DYNC1I1: variants seen among roughly 807,000 people sequenced by gnomAD.
The protein encoded by DYNC1I1 is dynein cytoplasmic 1 intermediate chain 1, also known as cytoplasmic dynein 1 intermediate chain 1.
In DYNC1I1, 43 loss-of-function variants were observed where a neutral mutation model predicts 86.6. The ratio of observed to expected loss-of-function variants is 0.50; its 90% CI spans 0.39 to 0.64. The LOEUF (loss-of-function observed/expected upper bound fraction) is 0.64. Ranked by LOEUF, DYNC1I1 falls within the 30% of genes least tolerant of loss-of-function variation. The pLI is 0.00. For missense variants in DYNC1I1, 604 were observed against 788.8 expected (o/e 0.77, Z 2.81); for synonymous variants, 262 against 283.7 (o/e 0.92, Z 0.77).
At chr7:95,843,885 A>C (rs1789357167) in intron 5 of DYNC1I1, among the ~76,000 whole-genome samples, 1 of 152,244 alleles carries the variant, frequency 6.6e-6, no homozygotes, top group Non-Finnish European at 1.5e-5. Flanking sequence ...ACAGGATAAA[A>C]AGAGTAAGTT....
chr7:96,006,676 A>T (rs927057949), intron 10 of DYNC1I1, among the ~76,000 whole-genome samples: 1 of 152,190 alleles, frequency 6.6e-6, no homozygotes, highest in Non-Finnish European at 1.5e-5. Flanking sequence ...ACTAAAGAAG[A>T]TCAGGATAAT....
chr7:95,928,512 C>T (rs1791804541), intron 6 of DYNC1I1, among the ~76,000 whole-genome samples: 1 of 152,132 alleles, frequency 6.6e-6, no homozygotes, highest in Non-Finnish European at 1.5e-5. Context: ...AGAGCCTGTT[C>T]TCTGCACGGG....
Position 95,977,498 on chromosome 7 carries a change from T to C in DYNC1I1, c.491-14T>C. ...GGAAAGAAAATATTGTATTTTTCTC[T>C]TTCTTTTTTCTAGAGGATGAGGAAG... is the stretch of plus-strand genomic sequence containing the variant. On this transcript the variant is annotated splice_polypyrimidine_tract_variant and intron_variant, in intron 6 of 16. Coordinates refer to ENST00000447467, the MANE Select transcript of DYNC1I1 (RefSeq NM_001135556.2). 1 of 1,609,964 alleles carries C rather than the reference T, an allele frequency of 6.2e-7. No individual in the cohort carries two copies. Among genetic ancestry groups the C allele is most frequent in the Non-Finnish European group, 8.5e-7 (1 of 1,178,668 alleles).
intron 10 of DYNC1I1, among the ~76,000 whole-genome samples, chr7:96,017,641 T>G (rs1477422692): frequency 6.6e-6 from 1 of 152,204 alleles, no homozygotes; most frequent in African/African-American, 2.4e-5. Flanking sequence ...CAGAAGAATG[T>G]TCCTCAGGTC....
intron 3 of DYNC1I1, among the ~76,000 whole-genome samples, chr7:95,812,900 A>C (rs1421727807): frequency 6.6e-6 from 1 of 152,172 alleles, no homozygotes; most frequent in African/African-American, 2.4e-5. Context: ...TAATGTGAAG[A>C]ATCAGAATTA....
chr7:96,012,170 T>C (rs889101884), intron 10 of DYNC1I1, among the ~76,000 whole-genome samples: 1 of 152,168 alleles, frequency 6.6e-6, no homozygotes, highest in African/African-American at 2.4e-5. Context: ...ATTGATGTGA[T>C]GGTTGATAGC....
chr7:95,820,423 G>A (rs908125579), intron 4 of DYNC1I1, among the ~76,000 whole-genome samples: 1 of 152,168 alleles, frequency 6.6e-6, no homozygotes, highest in African/African-American at 2.4e-5. Context: ...ATTTAGCGAT[G>A]GCATTGACTA....
Position 95,830,352 on chromosome 7 carries a change from T to C in DYNC1I1, c.374+2236T>C, listed in dbSNP as rs187822816. Among the ~76,000 whole-genome samples the C allele has an allele frequency of 2.6e-5, 4 of 151,888 alleles. No homozygotes were observed. The East Asian group carries it at 7.8e-4, about 30-fold the overall frequency. ...CCAGAGTTTCCTCATGCCCCTTTGT[T>C]ATCTACACTCTTGCTTCTTCCTGTT... On this transcript the variant is annotated intron_variant, in intron 5 of 16. Coordinates refer to ENST00000447467, the MANE Select transcript of DYNC1I1 (RefSeq NM_001135556.2).
chr7:95,807,014 GA>G (rs1794716859), intron 2 of DYNC1I1, among the ~76,000 whole-genome samples: 1 of 152,116 alleles, frequency 6.6e-6, no homozygotes, highest in African/African-American at 2.4e-5. Flanking sequence ...GTAAAATGGA[GA>G]AAGGAATGAT....
At chr7:96,057,848 C>T (rs369522506) in intron 14 of DYNC1I1, among the ~76,000 whole-genome samples, 108 of 152,064 alleles carry the variant, frequency 7.1e-4, no homozygotes, top group African/African-American at 2.6e-3. Context: ...ATATTTCTGG[C>T]AACAATTATA....
intron 10 of DYNC1I1, among the ~76,000 whole-genome samples, chr7:96,026,024 G>A (rs2237593): frequency 0.23 from 34,698 of 151,994 alleles, 4,278 homozygotes; most frequent in South Asian, 0.37. Flanking sequence ...AGTTTCCAAC[G>A]TAGCTCCAGC....
chr7:96,007,264 T>C (rs780921782), intron 10 of DYNC1I1, among the ~76,000 whole-genome samples: 9 of 152,180 alleles, frequency 5.9e-5, no homozygotes, highest in Non-Finnish European at 1.2e-4. Context: ...CAAAACTAAA[T>C]GTAAAATATT....
At chr7:95,786,934 A>G (rs1283915237) in intron 1 of DYNC1I1, among the ~76,000 whole-genome samples, 2 of 151,944 alleles carry the variant, frequency 1.3e-5, no homozygotes, top group African/African-American at 2.4e-5. Flanking sequence ...ACCCGGTGAC[A>G]CTCTTGAGCA....
chr7:95,782,902 C>T (rs180767613), intron 1 of DYNC1I1, among the ~76,000 whole-genome samples: 34 of 152,264 alleles, frequency 2.2e-4, no homozygotes, highest in Admixed American at 1.8e-3. Flanking sequence ...GAACTCCTCT[C>T]GATGTTCAGA....
At chr7:95,902,995 T>C (rs1193759268) in intron 6 of DYNC1I1, among the ~76,000 whole-genome samples, 1 of 152,208 alleles carries the variant, frequency 6.6e-6, no homozygotes, top group Non-Finnish European at 1.5e-5. Flanking sequence ...GTTTCCAGGC[T>C]GACTCAGGAA....
chr7:95,785,775 G>GTGTGTATATATA (rs1317168531), intron 1 of DYNC1I1, among the ~76,000 whole-genome samples: 5 of 124,898 alleles, frequency 4.0e-5, no homozygotes, highest in Admixed American at 8.5e-5. Context: ...GTGTGTATGT[G>GTGTGTATATATA]TATATATATA....
intron 10 of DYNC1I1, among the ~76,000 whole-genome samples, chr7:96,017,465 C>T (rs555219137): frequency 3.3e-4 from 51 of 152,264 alleles, no homozygotes; most frequent in Non-Finnish European, 5.9e-4. Context: ...TTGTTCTGAA[C>T]GTGCTTCAGT....
At chr7:96,018,878 A>G (rs1419977040) in intron 10 of DYNC1I1, among the ~76,000 whole-genome samples, 1 of 152,172 alleles carries the variant, frequency 6.6e-6, no homozygotes, top group Non-Finnish European at 1.5e-5. Context: ...TCCCACAATG[A>G]TACTGGGTCA....
chr7:95,850,395 T>C (rs1789545007), intron 5 of DYNC1I1, among the ~76,000 whole-genome samples: 1 of 152,188 alleles, frequency 6.6e-6, no homozygotes, highest in Non-Finnish European at 1.5e-5. Context: ...ACCTAATTTA[T>C]TGAGGGTTTT....
Sources: allele counts gnomAD v4.1 joint callset (sites outside exome capture counted in the v4.1 genomes callset), GRCh38; gene constraint gnomAD v4.1.1; transcripts MANE v1.5; gene names NCBI Gene and HGNC (gene_info 2026-07-23, HGNC 2026-07-21).